The following PIP5K1B variants were observed in gnomAD, a reference collection of about 807,000 sequenced individuals.
PIP5K1B encodes the protein phosphatidylinositol 4-phosphate 5-kinase type-1 beta.
In PIP5K1B, 42 loss-of-function variants were observed where a neutral mutation model predicts 67.0. The observed-to-expected ratio is 0.63, with a 90% CI of 0.49 to 0.81. The LOEUF is 0.81. Among genes scored for constraint, PIP5K1B ranks in the 30% least tolerant of loss-of-function variants. The probability of loss-of-function intolerance (pLI) is 0.00; values close to 1 mark genes in which losing one functional copy is unlikely to be tolerated. For missense variants in PIP5K1B, 459 were observed against 646.3 expected, an observed-to-expected ratio of 0.71 and a Z score of 3.14; for synonymous variants, 214 against 231.4, an observed-to-expected ratio of 0.92 and a Z score of 0.68.
At chr9:68,915,724 C>T (rs1029452062) in intron 8 of PIP5K1B, among the ~76,000 whole-genome samples, 2 of 152,178 alleles carry the variant, frequency 1.3e-5, no homozygotes, top group Non-Finnish European at 2.9e-5. Flanking sequence ...ACAGCCCAAA[C>T]CTCTTAAGTG....
chr9:68,739,769 G>A (rs1273323105), intron 1 of PIP5K1B: 2 of 152,172 alleles, frequency 1.3e-5, no homozygotes, highest in African/African-American at 2.4e-5. Context: ...GCATGCTTGA[G>A]GCTTTGCCCT....
chr9:68,910,882 C>T (rs1185783719), intron 8 of PIP5K1B, among the ~76,000 whole-genome samples: 1 of 152,188 alleles, frequency 6.6e-6, no homozygotes, highest in Non-Finnish European at 1.5e-5. Flanking sequence ...TAAAGAGCTC[C>T]AGTTAGACTA....
intron 14 of PIP5K1B, among the ~76,000 whole-genome samples, chr9:68,971,000 T>C (rs184700834): frequency 6.6e-6 from 1 of 152,202 alleles, no homozygotes; most frequent in Non-Finnish European, 1.5e-5. Flanking sequence ...ATTTATTTAT[T>C]GATTTATTTA....
intron 2 of PIP5K1B, among the ~76,000 whole-genome samples, chr9:68,749,422 G>A (rs1829504350): frequency 6.6e-6 from 1 of 152,162 alleles, no homozygotes; most frequent in African/African-American, 2.4e-5. Flanking sequence ...GCATGACCCT[G>A]CCAGCACCTC....
chr9:68,777,345 G>T (rs189488962), intron 2 of PIP5K1B, among the ~76,000 whole-genome samples: 1 of 152,174 alleles, frequency 6.6e-6, no homozygotes, highest in Non-Finnish European at 1.5e-5. Context: ...TCTTTCCCTT[G>T]TAGAGCTTAC....
At position 68,792,938 on chromosome 9, in the gene PIP5K1B, G is replaced by C. The variant is rs142155813; in HGVS notation, c.-85-25523G>C. Among the ~76,000 whole-genome samples the C allele has an allele frequency of 3.6e-3, 546 of 152,244 alleles. 4 individuals carry two copies. The highest frequency in any genetic ancestry group is 0.012 in the African/African-American group (487 of 41,538). On this transcript the variant is annotated intron_variant, in intron 2 of 15. Transcript: ENST00000265382. ...TGCCTCACACTGGGCTAGTCTCTTAGGATACTTTGGTGTACAAAACAAAGA... is the reference window on the plus strand; with the variant it reads ...TGCCTCACACTGGGCTAGTCTCTTACGATACTTTGGTGTACAAAACAAAGA...
chr9:68,790,788 A>G (rs1831922755), intron 2 of PIP5K1B, among the ~76,000 whole-genome samples: 1 of 152,204 alleles, frequency 6.6e-6, no homozygotes, highest in African/African-American at 2.4e-5. Flanking sequence ...TACTATATAG[A>G]TAGAAAGTGT....
At chr9:68,780,360 C>G (rs139921017) in intron 2 of PIP5K1B, 1 of 1,612,416 alleles carries the variant, frequency 6.2e-7, no homozygotes, top group Non-Finnish European at 8.5e-7. Flanking sequence ...CACAACGTTC[C>G]CGAGCCGCCA....
intron 4 of PIP5K1B, among the ~76,000 whole-genome samples, chr9:68,852,203 C>T (rs987357334): frequency 6.6e-6 from 1 of 152,038 alleles, no homozygotes; most frequent in Non-Finnish European, 1.5e-5. Context: ...ATGTTCTGTA[C>T]ATGTATCCTA....
intron 6 of PIP5K1B, among the ~76,000 whole-genome samples, chr9:68,882,266 A>G (rs1164959758): frequency 1.3e-5 from 2 of 152,206 alleles, no homozygotes; most frequent in Admixed American, 1.3e-4. Flanking sequence ...GGTGGCTTAG[A>G]AGAGAATGTG....
At chr9:68,982,321 A>G (rs1829913460) in intron 14 of PIP5K1B, among the ~76,000 whole-genome samples, 1 of 152,240 alleles carries the variant, frequency 6.6e-6, no homozygotes, top group East Asian at 1.9e-4. Context: ...ATTGATTCTA[A>G]ATAGGCTTGT....
At chr9:68,973,593 C>G (rs1188734988) in intron 14 of PIP5K1B, among the ~76,000 whole-genome samples, 1 of 152,174 alleles carries the variant, frequency 6.6e-6, no homozygotes, top group Non-Finnish European at 1.5e-5. Context: ...GGTCTATAAA[C>G]AGTGTAAAAT....
At chr9:68,992,955 G>A (rs1421936142) in intron 15 of PIP5K1B, among the ~76,000 whole-genome samples, 1 of 150,632 alleles carries the variant, frequency 6.6e-6, no homozygotes, top group African/African-American at 2.4e-5. Flanking sequence ...TCAGGAGTTC[G>A]AGACCATCCT....
At chr9:68,773,456 G>A (rs1317194460) in intron 2 of PIP5K1B, among the ~76,000 whole-genome samples, 3 of 152,212 alleles carry the variant, frequency 2.0e-5, no homozygotes, top group Non-Finnish European at 4.4e-5. Flanking sequence ...AGACTTAAGG[G>A]ATTAGAGACT....
At chr9:68,780,927 T>C in intron 2 of PIP5K1B, 1 of 1,614,182 alleles carries the variant, frequency 6.2e-7, no homozygotes, top group Non-Finnish European at 8.5e-7. Context: ...CGGATCTTCT[T>C]GTAACTCACC....
At chr9:68,840,474 T>G (rs935343516) in intron 4 of PIP5K1B, among the ~76,000 whole-genome samples, 2 of 152,184 alleles carry the variant, frequency 1.3e-5, no homozygotes, top group Non-Finnish European at 2.9e-5. Flanking sequence ...CTTAAAAACA[T>G]TTATTATGTT....
intron 12 of PIP5K1B, among the ~76,000 whole-genome samples, chr9:68,932,998 G>A (rs1380026612): frequency 3.3e-5 from 5 of 151,992 alleles, no homozygotes; most frequent in African/African-American, 1.2e-4. Context: ...TACTCAGGAA[G>A]CTGAGGCAGG....
intron 14 of PIP5K1B, among the ~76,000 whole-genome samples, chr9:68,975,705 G>A (rs901193546): frequency 2.0e-5 from 3 of 152,158 alleles, no homozygotes; most frequent in Non-Finnish European, 4.4e-5. Flanking sequence ...TATCAGCAGG[G>A]TTTTCCCTCT....
chr9:68,747,707 T>C (rs1829391900), intron 2 of PIP5K1B, among the ~76,000 whole-genome samples: 1 of 152,196 alleles, frequency 6.6e-6, no homozygotes. Context: ...ATTTGCTGTT[T>C]TTTTTACACC....
Sources: gnomAD v4.1 joint callset for allele counts (sites outside exome capture counted in the v4.1 genomes callset) on GRCh38, gnomAD v4.1.1 for gene constraint, MANE v1.5 for transcripts, NCBI Gene and HGNC (gene_info 2026-07-23, HGNC 2026-07-21) for gene names.